Variants in ARLN observed in about 807,000 individuals in gnomAD.
ARLN encodes sarcoplasmic/endoplasmic reticulum calcium ATPase regulator ARLN.
the ARLN span, chr4:119,298,674 GA>G: frequency 1.5e-6 from 1 of 660,264 alleles, no homozygotes. Flanking sequence ...TTGGAGATGT[GA>G]AATTCTTCTA....
the ARLN span, chr4:119,300,602 C>T: frequency 3.1e-6 from 5 of 1,609,402 alleles, no homozygotes; most frequent in African/African-American, 1.3e-5. Flanking sequence ...CTTTGGTGTT[C>T]GCCGCACCGG....
chr4:119,300,393 A>T, the ARLN span: 1 of 1,613,704 alleles, frequency 6.2e-7, no homozygotes, highest in Non-Finnish European at 8.5e-7. Flanking sequence ...GAAAAGCCAG[A>T]GGTCCAACCA....
chr4:119,300,692 C>G, the ARLN span: 1 of 1,532,638 alleles, frequency 6.5e-7, no homozygotes, highest in Non-Finnish European at 8.8e-7. Flanking sequence ...CTCTTCCCAG[C>G]GCGCAGGCGC....
At chr4:119,300,233 G>T in the ARLN span, 2 of 930,996 alleles carry the variant, frequency 2.1e-6, no homozygotes, top group Non-Finnish European at 3.3e-6. Context: ...GTGTGATCTT[G>T]GACATATATA....
the ARLN span, chr4:119,298,594 G>A: frequency 4.4e-4 from 209 of 475,424 alleles, no homozygotes; most frequent in African/African-American, 3.8e-3. Flanking sequence ...GCTAGGAATG[G>A]GTGAAATCCT....
the ARLN span, chr4:119,297,646 G>A: frequency 6.6e-6 from 1 of 152,342 alleles, no homozygotes; most frequent in African/African-American, 2.4e-5. Context: ...AATAGAGATA[G>A]GGTTTCACCA....
At chr4:119,301,834 C>G in the ARLN span, among the ~76,000 whole-genome samples, 1 of 152,152 alleles carries the variant, frequency 6.6e-6, no homozygotes, top group Non-Finnish European at 1.5e-5. Flanking sequence ...TAAAGCTGTT[C>G]CATAGCTTCC....
the ARLN span, chr4:119,300,807 G>C: frequency 5.1e-4 from 732 of 1,441,362 alleles, no homozygotes; most frequent in African/African-American, 9.3e-3. Context: ...GGCGTCCCAG[G>C]CAGATAGCTG....
the ARLN span, among the ~76,000 whole-genome samples, chr4:119,298,943 A>AT: frequency 6.6e-6 from 1 of 152,252 alleles, no homozygotes; most frequent in South Asian, 2.1e-4. Context: ...ACACACACAC[A>AT]CACAAAACCC....
chr4:119,303,944 A>C, the ARLN span, among the ~76,000 whole-genome samples: 2 of 152,202 alleles, frequency 1.3e-5, no homozygotes, highest in South Asian at 4.1e-4. Context: ...TTTTATCTTC[A>C]TCTTGGCCTT....
chr4:119,304,153 A>G, the ARLN span: 6 of 836,566 alleles, frequency 7.2e-6, no homozygotes, highest in Non-Finnish European at 9.2e-6. Flanking sequence ...AATCCTACTC[A>G]TCCTTCAGGG....
chr4:119,301,283 G>A, the ARLN span, among the ~76,000 whole-genome samples: 1 of 151,568 alleles, frequency 6.6e-6, no homozygotes, highest in Non-Finnish European at 1.5e-5. Flanking sequence ...AATTAGCCGG[G>A]CGTGGTGGCA....
the ARLN span, chr4:119,300,649 G>A: frequency 6.4e-7 from 1 of 1,569,224 alleles, no homozygotes; most frequent in Non-Finnish European, 8.6e-7. Context: ...GCAGTGCGCC[G>A]CGCCCCGGGT....
chr4:119,300,528 A>G, the ARLN span: 34 of 1,613,770 alleles, frequency 2.1e-5, no homozygotes. Context: ...CGGTGCGTCC[A>G]CCTCCATCTC....
the ARLN span, among the ~76,000 whole-genome samples, chr4:119,302,229 C>T: frequency 2.0e-5 from 3 of 152,172 alleles, no homozygotes; most frequent in South Asian, 6.2e-4. Flanking sequence ...TTAAACTTGT[C>T]TTTGGCCCAG....
the ARLN span, chr4:119,300,309 C>G: frequency 6.3e-7 from 1 of 1,576,110 alleles, no homozygotes; most frequent in Non-Finnish European, 8.7e-7. Flanking sequence ...CTCCTTACCA[C>G]CCCAATTTTG....
At chr4:119,300,409 A>C in the ARLN span, 16 of 1,613,854 alleles carry the variant, frequency 9.9e-6, no homozygotes, top group Non-Finnish European at 1.4e-5. Context: ...AACCAGTAGG[A>C]GTGTTTGGGA....
At chr4:119,303,063 A>T in the ARLN span, among the ~76,000 whole-genome samples, 327 of 152,228 alleles carry the variant, frequency 2.1e-3, no homozygotes, top group African/African-American at 7.7e-3. Context: ...ATCTGGAAAT[A>T]TATGTGTTTA....
chr4:119,298,359 A>G, the ARLN span: 1 of 154,228 alleles, frequency 6.5e-6, no homozygotes, highest in Admixed American at 6.5e-5. Context: ...CTGCTTTTGA[A>G]TAATTGACTT....
Sources: gnomAD v4.1 joint callset for allele counts (sites outside exome capture counted in the v4.1 genomes callset) on GRCh38, gnomAD v4.1.1 for gene constraint, MANE v1.5 for transcripts, NCBI Gene and HGNC (gene_info 2026-07-23, HGNC 2026-07-21) for gene names.